Variants in ITFG1 observed in about 807,000 individuals in gnomAD.
The protein encoded by ITFG1 is integrin alpha FG-GAP repeat containing 1.
In ITFG1, 34 loss-of-function variants were observed where a neutral mutation model predicts 81.8. The observed-to-expected ratio is 0.42, with a 90% CI of 0.32 to 0.55. The LOEUF is 0.55. ITFG1 is among the 20% of genes least tolerant of loss of function. The probability of loss-of-function intolerance (pLI) is 0.17; values close to 1 mark genes in which losing one functional copy is unlikely to be tolerated. For missense variants in ITFG1, 672 were observed against 755.4 expected, an observed-to-expected ratio of 0.89 and a Z score of 1.29; for synonymous variants, 285 against 270.6, an observed-to-expected ratio of 1.05 and a Z score of -0.52.
intron 8 of ITFG1, among the ~76,000 whole-genome samples, chr16:47,333,806 G>A (rs1459694563): frequency 6.6e-6 from 1 of 152,154 alleles, no homozygotes; most frequent in African/African-American, 2.4e-5. Flanking sequence ...TGCTCTTCAA[G>A]CAGGAAAACA....
intron 12 of ITFG1, among the ~76,000 whole-genome samples, chr16:47,249,060 C>T (rs1435123517): frequency 1.3e-5 from 2 of 152,176 alleles, no homozygotes; most frequent in African/African-American, 4.8e-5. Flanking sequence ...CTAATTTTGG[C>T]TAACTCTAGA....
chr16:47,171,912 C>T (rs188632485), intron 14 of ITFG1, among the ~76,000 whole-genome samples: 1 of 152,074 alleles, frequency 6.6e-6, no homozygotes, highest in South Asian at 2.1e-4. Context: ...TTTATTTGCA[C>T]AGAATTTGGT....
intron 10 of ITFG1, among the ~76,000 whole-genome samples, chr16:47,287,312 CT>C (rs1966873638): frequency 6.6e-6 from 1 of 152,126 alleles, no homozygotes; most frequent in Non-Finnish European, 1.5e-5. Flanking sequence ...GAACTCTTGG[CT>C]TTAAGTGATT....
At chr16:47,379,543 C>G (rs889285117) in intron 6 of ITFG1, among the ~76,000 whole-genome samples, 8 of 152,042 alleles carry the variant, frequency 5.3e-5, no homozygotes, top group African/African-American at 1.2e-4. Context: ...CAAAAATTAG[C>G]CAGGCGTGGT....
At chr16:47,278,859 T>C (rs1318924223) in intron 10 of ITFG1, among the ~76,000 whole-genome samples, 1 of 152,180 alleles carries the variant, frequency 6.6e-6, no homozygotes, top group African/African-American at 2.4e-5. Flanking sequence ...ATGTACAATT[T>C]ATGATAAGGG....
At chr16:47,315,992 T>C (rs985733433) in intron 8 of ITFG1, among the ~76,000 whole-genome samples, 1 of 152,054 alleles carries the variant, frequency 6.6e-6, no homozygotes, top group Admixed American at 6.6e-5. Context: ...AGTTTCGCCA[T>C]GTTGTCCAGG....
chr16:47,177,543 G>A (rs901545155), intron 14 of ITFG1, among the ~76,000 whole-genome samples: 6 of 152,070 alleles, frequency 3.9e-5, no homozygotes, highest in African/African-American at 1.4e-4. Flanking sequence ...CAACTGACAT[G>A]TAAACTTTTA....
intron 10 of ITFG1, among the ~76,000 whole-genome samples, chr16:47,302,689 C>T (rs1366430841): frequency 6.6e-6 from 1 of 152,230 alleles, no homozygotes; most frequent in Non-Finnish European, 1.5e-5. Context: ...ACTTTCCTCT[C>T]TCATTTACAC....
At chr16:47,176,621 A>G (rs1401655902) in intron 14 of ITFG1, among the ~76,000 whole-genome samples, 3 of 152,226 alleles carry the variant, frequency 2.0e-5, no homozygotes, top group African/African-American at 4.8e-5. Context: ...AGAATCATAC[A>G]TTTGTTATAT....
chr16:47,285,146 G>A (rs960900151), intron 10 of ITFG1, among the ~76,000 whole-genome samples: 15 of 152,176 alleles, frequency 9.9e-5, no homozygotes, highest in African/African-American at 4.8e-5. Context: ...CCTGCACTCC[G>A]TTCACGCTAA....
chr16:47,366,159 G>A (rs1968174592), intron 7 of ITFG1, among the ~76,000 whole-genome samples: 1 of 152,148 alleles, frequency 6.6e-6, no homozygotes, highest in South Asian at 2.1e-4. Context: ...ACTGTGGAAG[G>A]CTTTGGAAAT....
intron 8 of ITFG1, among the ~76,000 whole-genome samples, chr16:47,327,206 C>G (rs1007228299): frequency 6.6e-6 from 1 of 152,040 alleles, no homozygotes; most frequent in Admixed American, 6.6e-5. Flanking sequence ...ACAAACCTGA[C>G]AAAAACAAGC....
intron 14 of ITFG1, among the ~76,000 whole-genome samples, chr16:47,186,083 A>C (rs1183599178): frequency 4.6e-5 from 7 of 152,292 alleles, no homozygotes; most frequent in African/African-American, 1.7e-4. Context: ...CTCTGAATAG[A>C]CCAATAACAG....
At chr16:47,360,774 AAT>A (rs1284912341) in intron 8 of ITFG1, among the ~76,000 whole-genome samples, 1 of 152,224 alleles carries the variant, frequency 6.6e-6, no homozygotes, top group African/African-American at 2.4e-5. Context: ...ATGGTTACTC[AAT>A]ACACCTAGCC....
chr16:47,428,922 T>A, intron 5 of ITFG1, 24 bp from the exon 6 acceptor site: 2 of 1,364,896 alleles, frequency 1.5e-6, no homozygotes, highest in Non-Finnish European at 1.0e-6. Flanking sequence ...TAAAAATACT[T>A]TTCTTAAGGC....
intron 6 of ITFG1, among the ~76,000 whole-genome samples, chr16:47,383,645 C>T (rs1968422747): frequency 6.6e-6 from 1 of 152,238 alleles, no homozygotes; most frequent in South Asian, 2.1e-4. Context: ...GTGGCACACG[C>T]CTGTAATCCC....
chr16:47,156,095 A>AT (rs1362251688), intron 17 of ITFG1, among the ~76,000 whole-genome samples: 2 of 152,334 alleles, frequency 1.3e-5, no homozygotes, highest in African/African-American at 4.8e-5. Flanking sequence ...ATAAGGATGA[A>AT]TCAATGATTG....
intron 14 of ITFG1, among the ~76,000 whole-genome samples, chr16:47,174,795 C>T: frequency 6.6e-6 from 1 of 152,326 alleles, no homozygotes; most frequent in East Asian, 1.9e-4. Context: ...GCTGGGATTA[C>T]AGGCATGAGC....
intron 6 of ITFG1, among the ~76,000 whole-genome samples, chr16:47,396,524 T>TTGTG (rs59625674): frequency 8.7e-5 from 13 of 149,208 alleles, no homozygotes; most frequent in East Asian, 3.9e-4. Flanking sequence ...AATAATTATT[T>TTGTG]TGTGTGTGTG....
Sources: allele counts gnomAD v4.1 joint callset (sites outside exome capture counted in the v4.1 genomes callset), GRCh38; gene constraint gnomAD v4.1.1; transcripts MANE v1.5; gene names NCBI Gene and HGNC (gene_info 2026-07-23, HGNC 2026-07-21).